FRMPD3: variants seen among roughly 807,000 people sequenced by gnomAD.
FRMPD3 encodes FERM and PDZ domain containing 3, also known as FERM and PDZ domain-containing protein 3.
FRMPD3 carries 42 observed loss-of-function variants against 97.9 expected under a neutral mutation model. The observed-to-expected ratio is 0.43, with a 90% CI of 0.34 to 0.55. The LOEUF (loss-of-function observed/expected upper bound fraction) is 0.55, where lower values mean the gene tolerates loss of function less well. Ranked by LOEUF, FRMPD3 falls within the 20% of genes least tolerant of loss-of-function variation. The probability of loss-of-function intolerance (pLI) is 0.03; values close to 1 mark genes in which losing one functional copy is unlikely to be tolerated. For missense variants in FRMPD3, 1,303 were observed against 1,457.7 expected, an observed-to-expected ratio of 0.89 and a Z score of 1.73; for synonymous variants, 577 against 581.1, an observed-to-expected ratio of 0.99 and a Z score of 0.10.
intron 4 of FRMPD3, among the ~76,000 whole-genome samples, chrX:107,535,751 G>A (rs1444815794): frequency 9.2e-6 from 1 of 108,660 alleles, no homozygotes; most frequent in Non-Finnish European, 1.9e-5. Context: ...ATGACACAAC[G>A]TATGTATATG....
intron 4 of FRMPD3, among the ~76,000 whole-genome samples, chrX:107,543,817 G>GA (rs58427780): frequency 0.013 from 859 of 66,404 alleles, 6 homozygotes; most frequent in African/African-American, 0.033. Flanking sequence ...CTCCTTCTCA[G>GA]AAAAAAAAAA....
At chrX:107,503,130 C>G (rs1046337949) in intron 1 of FRMPD3, among the ~76,000 whole-genome samples, 1 of 111,253 alleles carries the variant, frequency 9.0e-6, no homozygotes, top group Non-Finnish European at 1.9e-5. Flanking sequence ...AGGCAATGAA[C>G]GAATTCTCCC....
intron 1 of FRMPD3, among the ~76,000 whole-genome samples, chrX:107,457,037 AT>A (rs761832614): frequency 9.0e-6 from 1 of 111,464 alleles, no homozygotes; most frequent in Non-Finnish European, 1.9e-5. Flanking sequence ...TTACCTACCA[AT>A]TGAATGCGTG....
chrX:107,573,638 T>G (rs1371822665), intron 12 of FRMPD3, among the ~76,000 whole-genome samples: 3 of 112,137 alleles, frequency 2.7e-5, no homozygotes, highest in African/African-American at 3.2e-5. Flanking sequence ...AGGTACAAAC[T>G]GTTCCTTTTT....
At chrX:107,504,050 C>T (rs1292967610) in intron 1 of FRMPD3, among the ~76,000 whole-genome samples, 1 of 112,222 alleles carries the variant, frequency 8.9e-6, no homozygotes, top group African/African-American at 3.2e-5. Context: ...CTGGAGTGGC[C>T]GCAGTGGCAC....
Position 107,467,159 on chromosome X carries a change from A to G in FRMPD3, c.-8+17154A>G, listed in dbSNP as rs1376066567. ...GGGTACATCAGGATCACAAGAAGTCACTTGTCAGTGAGGAGAAGTAATACA... is the reference window on the plus strand; with the variant it reads ...GGGTACATCAGGATCACAAGAAGTCGCTTGTCAGTGAGGAGAAGTAATACA... On this transcript the variant is annotated intron_variant, in intron 1 of 14. Transcript: ENST00000683843. Among the ~76,000 whole-genome samples the G allele has an allele frequency of 3.6e-5, 4 of 112,367 alleles. No homozygotes were observed. The Admixed American group carries it at 3.8e-4, about 11-fold the overall frequency.
chrX:107,511,368 C>G (rs1157381444), intron 1 of FRMPD3, among the ~76,000 whole-genome samples: 1 of 112,475 alleles, frequency 8.9e-6, no homozygotes, highest in Non-Finnish European at 1.9e-5. Flanking sequence ...TCCTGCCATA[C>G]CCAGCTGCAG....
At chrX:107,531,065 G>A (rs1426991652) in intron 3 of FRMPD3, among the ~76,000 whole-genome samples, 5 of 108,770 alleles carry the variant, frequency 4.6e-5, no homozygotes, top group South Asian at 4.1e-4. Flanking sequence ...TTTGTACATG[G>A]AGAGTAATCA....
Position 107,594,357 on chromosome X carries a change from CTCT to C in FRMPD3, c.1442-2962_1442-2960del, listed in dbSNP as rs770929865. 8.6e-4 allele frequency among the ~76,000 whole-genome samples: 96 copies of C among 111,893 alleles called. 1 individual carries two copies. Among genetic ancestry groups the C allele is most frequent in the Non-Finnish European group, 1.5e-3 (78 of 53,203 alleles). ...CAGTTTGGATGCCCTTTATTTATTT[CTCT>C]TGTCTGATTACTCTGGCTCTTTTAG... On this transcript the variant is annotated intron_variant, in intron 13 of 14. Transcript: ENST00000683843.
chrX:107,538,223 G>A (rs1921092276), intron 4 of FRMPD3, among the ~76,000 whole-genome samples: 1 of 111,680 alleles, frequency 9.0e-6, no homozygotes, highest in South Asian at 3.8e-4. Flanking sequence ...AAATATTGGA[G>A]CAACAGTTCA....
intron 13 of FRMPD3, among the ~76,000 whole-genome samples, chrX:107,581,178 G>A (rs943086117): frequency 4.5e-5 from 5 of 110,507 alleles, no homozygotes; most frequent in Non-Finnish European, 7.6e-5. Context: ...TCATGATCTC[G>A]GCTCATTGCA....
chrX:107,526,459 A>T (rs1922700660), intron 1 of FRMPD3, 123 bp from the exon 2 acceptor site: 2 of 494,638 alleles, frequency 4.0e-6, no homozygotes, highest in Non-Finnish European at 3.2e-6. Context: ...CAGAGGATGT[A>T]GGAAGCTAAG....
intron 4 of FRMPD3, among the ~76,000 whole-genome samples, chrX:107,541,509 C>T (rs1012588935): frequency 2.7e-5 from 3 of 112,553 alleles, no homozygotes; most frequent in African/African-American, 9.7e-5. Flanking sequence ...CTGAAACAGA[C>T]ACCTGGAAAT....
At chrX:107,507,499 G>A (rs1327224144) in intron 1 of FRMPD3, among the ~76,000 whole-genome samples, 1 of 111,185 alleles carries the variant, frequency 9.0e-6, no homozygotes, top group Non-Finnish European at 1.9e-5. Flanking sequence ...TTACGCTTCG[G>A]AAGTGTCCGG....
intron 6 of FRMPD3, among the ~76,000 whole-genome samples, chrX:107,551,810 C>T (rs981483003): frequency 4.4e-5 from 5 of 112,663 alleles, no homozygotes; most frequent in Non-Finnish European, 1.9e-5. Flanking sequence ...AGAGCTCCAG[C>T]AACACTGGCG....
chrX:107,601,224 A>G lies in FRMPD3; in HGVS notation c.3185A>G (p.Lys1062Arg). Residue 1062 changes from lysine (K) to arginine (R), a missense_variant, in exon 15 of 15, where the codon AAA becomes AGA. By Grantham distance (26) the Lys-to-Arg change is conservative. Coordinates refer to ENST00000683843, the MANE Select transcript of FRMPD3 (RefSeq NM_001388459.1). ...DSLPVQNFPP[K>R]SYLLRTSRES... ...CTGCCTGTTCAAAATTTCCCTCCCA[A>G]AAGCTATCTTTTGCGAACAAGCCGA... 2 of 1,208,532 alleles carry G rather than the reference A, an allele frequency of 1.7e-6. No individual in the cohort carries two copies. The highest frequency in any genetic ancestry group is 2.2e-6 in the Non-Finnish European group (2 of 893,777).
rs1924520389 is a variant in FRMPD3, at chrX:107,601,697, T to A, written c.3658T>A (p.Phe1220Ile). The stretch of plus-strand genomic sequence containing the variant: ...AGGTCCTTTCCGGCTACGCAATTTA[T>A]TCTCTGCCACCTTCCCAACCCGCCA... Reference protein sequence around the residue: ...SRGPFRLRNLFSATFPTRQKK... With the variant: ...SRGPFRLRNLISATFPTRQKK... Residue 1220 changes from phenylalanine (F) to isoleucine (I), a missense_variant, in exon 15 of 15, where the codon TTC (phenylalanine) becomes ATC (isoleucine). Physicochemically the swap from Phe to Ile is conservative, Grantham distance 21 (BLOSUM62 0). Around this residue, in one of 3 missense-constraint regions of FRMPD3, gnomAD observed 764 missense variants for 820.2 expected, o/e 0.93. Transcript: ENST00000683843. 1 of 1,211,225 alleles carries A rather than the reference T, an allele frequency of 8.3e-7. No individual in the cohort carries two copies. The highest frequency in any genetic ancestry group is 1.1e-6 in the Non-Finnish European group (1 of 895,502).
In FRMPD3 at chrX:107,602,837, G is replaced by C; in HGVS notation, c.4798G>C (p.Glu1600Gln). 8.3e-7 allele frequency: 1 copy of C among 1,209,876 alleles called. No homozygotes were observed. The highest frequency in any genetic ancestry group is 1.1e-6 in the Non-Finnish European group (1 of 894,909). The change falls in exon 15 of 15, where the codon GAG (glutamate) becomes CAG (glutamine). Residue 1600 changes from glutamate to glutamine, a missense_variant. Physicochemically the swap from Glu to Gln is conservative, Grantham distance 29. Transcript: ENST00000683843. ...GFLAARLDTN[E>Q]LLTVLRQCVA... The stretch of plus-strand genomic sequence containing the variant: ...CCTGGCTGCCCGGCTGGACACCAAC[G>C]AGCTGCTGACAGTCCTGCGGCAGTG...
At chrX:107,542,840 C>T (rs1013864874) in intron 4 of FRMPD3, among the ~76,000 whole-genome samples, 1 of 111,890 alleles carries the variant, frequency 8.9e-6, no homozygotes, top group Non-Finnish European at 1.9e-5. Flanking sequence ...GACTCAGGCT[C>T]CATGGCAAGG....
Sources: gnomAD v4.1 joint callset for allele counts (sites outside exome capture counted in the v4.1 genomes callset) on GRCh38, gnomAD v4.1.1 for gene constraint, gnomAD v4.1.1 regional missense constraint, MANE v1.5 for transcripts, NCBI Gene and HGNC (gene_info 2026-07-23, HGNC 2026-07-21) for gene names.